Variants in NOL4 observed in about 807,000 individuals in gnomAD.
NOL4 encodes the protein nucleolar protein 4.
NOL4 carries 17 observed loss-of-function variants against 75.9 expected under a neutral mutation model. The observed-to-expected ratio is 0.22, with a 90% CI of 0.15 to 0.34. NOL4 has a LOEUF of 0.34. Among genes scored for constraint, NOL4 ranks in the 10% least tolerant of loss-of-function variants. NOL4 has a pLI of 1.00. For missense variants in NOL4, 614 were observed against 793.5 expected (o/e 0.77, Z 2.72); for synonymous variants, 292 against 289.9 (o/e 1.01, Z -0.07).
At chr18:34,055,162 A>C (rs927261941) in intron 5 of NOL4, among the ~76,000 whole-genome samples, 24 of 151,782 alleles carry the variant, frequency 1.6e-4, no homozygotes, top group African/African-American at 5.6e-4. Flanking sequence ...TTATATAAGA[A>C]TTAAAAGTAA....
chr18:34,190,978 T>C (rs2034868895), intron 1 of NOL4, among the ~76,000 whole-genome samples: 1 of 152,100 alleles, frequency 6.6e-6, no homozygotes, highest in South Asian at 2.1e-4. Context: ...GAATTATAAG[T>C]ATCCCATGTT....
intron 1 of NOL4, among the ~76,000 whole-genome samples, chr18:34,140,623 C>T (rs540966793): frequency 6.9e-4 from 105 of 152,266 alleles, no homozygotes; most frequent in Non-Finnish European, 1.2e-3. Context: ...TGGGTCTTGA[C>T]TCTGTATCCA....
At chr18:34,074,131 AT>A (rs1042234796) in intron 5 of NOL4, among the ~76,000 whole-genome samples, 1 of 151,812 alleles carries the variant, frequency 6.6e-6, no homozygotes, top group African/African-American at 2.4e-5. Flanking sequence ...AAAGAATTGT[AT>A]TTTTTAAATA....
intron 1 of NOL4, among the ~76,000 whole-genome samples, chr18:34,161,492 C>T (rs2031471937): frequency 1.3e-5 from 2 of 152,258 alleles, no homozygotes; most frequent in Admixed American, 6.5e-5. Context: ...TTCTTCTCCA[C>T]GACCTCTCCA....
intron 5 of NOL4, among the ~76,000 whole-genome samples, chr18:34,081,080 C>T (rs1347047546): frequency 6.6e-6 from 1 of 152,160 alleles, no homozygotes; most frequent in Non-Finnish European, 1.5e-5. Flanking sequence ...GGCCTATTTA[C>T]AGATTCACAA....
At chr18:33,957,277 A>G in intron 8 of NOL4, 49 bp downstream of exon 8, 6 of 1,391,794 alleles carry the variant, frequency 4.3e-6, no homozygotes, top group Non-Finnish European at 4.8e-6. Context: ...CATGGTTTAC[A>G]TGTGGGATTT....
intron 5 of NOL4, among the ~76,000 whole-genome samples, chr18:34,066,860 T>A (rs903515101): frequency 3.3e-5 from 5 of 152,046 alleles, no homozygotes; most frequent in Middle Eastern, 3.2e-3. Context: ...CAGGAATTAC[T>A]ATAAAACAAA....
intron 6 of NOL4, among the ~76,000 whole-genome samples, chr18:34,005,524 G>C (rs899329626): frequency 1.3e-5 from 2 of 151,924 alleles, no homozygotes; most frequent in African/African-American, 4.8e-5. Context: ...CCAGCTATCA[G>C]CCAAAATTAA....
chr18:33,942,479 A>C (rs2068557149), intron 9 of NOL4, among the ~76,000 whole-genome samples: 1 of 151,926 alleles, frequency 6.6e-6, no homozygotes, highest in South Asian at 2.1e-4. Flanking sequence ...TCGCCAATAC[A>C]CAGATGCCTT....
At chr18:34,028,504 C>G (rs929796718) in intron 5 of NOL4, among the ~76,000 whole-genome samples, 1 of 152,236 alleles carries the variant, frequency 6.6e-6, no homozygotes, top group South Asian at 2.1e-4. Context: ...ACACAACTAG[C>G]CCAGGCTGAA....
Position 34,010,804 on chromosome 18 carries a change from A to G in NOL4, c.1056+8514T>C, listed in dbSNP as rs201758442. 1.6e-4 allele frequency among the ~76,000 whole-genome samples: 24 copies of G among 151,944 alleles called. No individual in the cohort carries two copies. The East Asian group carries it at 1.9e-3, about 12-fold the overall frequency. ...TTGATTTGCATTTCTTTGATGATCA[A>G]TGAGGTTGAGCATTTTTTCATATAC... On this transcript the variant is annotated intron_variant, in intron 6 of 10. Transcript: ENST00000261592.
At chr18:34,190,025 A>C (rs1332926843) in intron 1 of NOL4, among the ~76,000 whole-genome samples, 1 of 149,586 alleles carries the variant, frequency 6.7e-6, no homozygotes, top group South Asian at 2.1e-4. Flanking sequence ...TGTTATATAT[A>C]TAACATATTA....
intron 5 of NOL4, among the ~76,000 whole-genome samples, chr18:34,092,057 A>G (rs1294909906): frequency 8.6e-6 from 1 of 116,148 alleles, no homozygotes; most frequent in African/African-American, 3.3e-5. Context: ...CATTATCTAT[A>G]TTCCCTAAAA....
chr18:34,141,548 A>T (rs1476206571), intron 1 of NOL4, among the ~76,000 whole-genome samples: 1 of 152,218 alleles, frequency 6.6e-6, no homozygotes, highest in Admixed American at 6.5e-5. Context: ...CAACCATCTG[A>T]TCTTTGACAA....
chr18:33,904,627 A>C lies in NOL4; in HGVS notation c.1543-21203T>G, dbSNP rs144936012. On this transcript the variant is annotated intron_variant, in intron 9 of 10. Transcript: ENST00000261592. ...GTTAAGTCTTCACCTGAAGGTAACC[A>C]TATGTTACCTGTATGTTTTGTAAAT... Among the ~76,000 whole-genome samples, 72 of 152,300 alleles carry C rather than the reference A, an allele frequency of 4.7e-4. 1 individual carries two copies. The East Asian group carries it at 0.014, about 29-fold the overall frequency.
At chr18:34,133,530 T>C (rs2080756803) in intron 1 of NOL4, among the ~76,000 whole-genome samples, 2 of 151,922 alleles carry the variant, frequency 1.3e-5, no homozygotes, top group Admixed American at 1.3e-4. Context: ...TGCATATTTG[T>C]TCTTGAATGA....
chr18:33,953,776 G>A (rs1001832518), intron 8 of NOL4, among the ~76,000 whole-genome samples: 1 of 152,112 alleles, frequency 6.6e-6, no homozygotes, highest in Non-Finnish European at 1.5e-5. Flanking sequence ...AAATACCAAA[G>A]ATTTGTATAT....
chr18:33,957,279 G>A (rs1460693909), intron 8 of NOL4, 47 bp downstream of exon 8: 2 of 1,401,704 alleles, frequency 1.4e-6, no homozygotes, highest in Admixed American at 4.6e-5. Context: ...TGGTTTACAT[G>A]TGGGATTTTG....
intron 5 of NOL4, among the ~76,000 whole-genome samples, chr18:34,083,946 G>A (rs938675021): frequency 6.6e-6 from 1 of 152,172 alleles, no homozygotes; most frequent in Admixed American, 6.5e-5. Flanking sequence ...TTTGTTGGGG[G>A]TTCACTCTGG....
Sources: allele counts gnomAD v4.1 joint callset (sites outside exome capture counted in the v4.1 genomes callset), GRCh38; gene constraint gnomAD v4.1.1; transcripts MANE v1.5; gene names NCBI Gene and HGNC (gene_info 2026-07-23, HGNC 2026-07-21).